Variants in CELF3 observed in about 807,000 individuals in gnomAD.
CELF3 encodes the protein CUGBP Elav-like family member 3.
Under a neutral mutation model 59.6 loss-of-function variants are expected in CELF3, and 26 were observed. That is an observed-to-expected ratio of 0.44 (90% CI 0.32 to 0.61). The LOEUF is 0.61. Ranked by LOEUF, CELF3 falls within the 20% of genes least tolerant of loss-of-function variation. The pLI is 0.06. For synonymous variants in CELF3, 245 were observed against 250.7 expected (o/e 0.98, Z 0.22); for missense variants, 387 against 627.2 (o/e 0.62, Z 4.09).
At chr1:151,706,398 C>T (rs749606849) in intron 9 of CELF3, 37 bp from the exon 10 acceptor site, 2 of 1,516,084 alleles carry the variant, frequency 1.3e-6, no homozygotes, top group South Asian at 1.3e-5. Context: ...ATGGGGCTTC[C>T]CTGACTTCTT....
rs1244104305 is a variant in CELF3 at position 151,701,748 on chromosome 1, CA to C, written c.*1710del. On this transcript the variant is annotated 3_prime_UTR_variant, in exon 13 of 13. Coordinates refer to ENST00000290583, the MANE Select transcript of CELF3 (RefSeq NM_007185.7). ...GGGCAACATAGCAAGACCCTGTCTA[CA>C]AAAAAAAACACCATTTTTAAAAATG... Among the ~76,000 whole-genome samples, 8 of 151,064 alleles carry C rather than the reference CA, an allele frequency of 5.3e-5. No individual in the cohort carries two copies. The highest frequency in any genetic ancestry group is 1.0e-4 in the Non-Finnish European group (7 of 67,616).
chr1:151,702,941 C>T lies in CELF3; in HGVS notation c.*518G>A. ...TTGGGGGAGGCAGTGAGTTTTAGGG[C>T]TGGGAGCCCAGGAATCAGGGATATC... is the stretch of plus-strand genomic sequence containing the variant. On this transcript the variant is annotated 3_prime_UTR_variant, in exon 13 of 13. Coordinates refer to ENST00000290583, the MANE Select transcript of CELF3 (RefSeq NM_007185.7). The T allele has an allele frequency of 3.1e-6, 1 of 319,528 alleles. No homozygotes were observed. The highest frequency in any genetic ancestry group is 7.8e-5 in the East Asian group (1 of 12,740). The allele number at this position is 319,528 out of a possible 1,614,324, so 19.8% of individuals were successfully genotyped here.
chr1:151,716,318 T>C lies in CELF3; in HGVS notation c.-298A>G, dbSNP rs1490090690. 2.6e-6 allele frequency: 1 copy of C among 381,982 alleles called. No individual in the cohort carries two copies. The highest frequency in any genetic ancestry group is 4.8e-6 in the Non-Finnish European group (1 of 209,284). 23.7% of individuals were successfully genotyped at this position (381,982 alleles called of 1,614,324 possible). ...AAATGTCCCAGGATGGGGGTGAGTA[T>C]GGCCAAGACCTGGAGGGTTAGGTGG... is the stretch of plus-strand genomic sequence containing the variant. On this transcript the variant is annotated 5_prime_UTR_variant, in exon 1 of 13. Coordinates refer to ENST00000290583, the MANE Select transcript of CELF3 (RefSeq NM_007185.7).
In CELF3 at chr1:151,709,427, G is replaced by T; in HGVS notation, c.278-79C>A. The T allele has an allele frequency of 6.3e-7, 1 of 1,593,442 alleles. No individual in the cohort carries two copies. Among genetic ancestry groups the T allele is most frequent in the South Asian group, 1.1e-5 (1 of 89,800 alleles). On this transcript the variant is annotated intron_variant, in intron 3 of 12. Transcript: ENST00000290583. This position sits in a 1 kb window ranked among gnomAD's most constrained non-coding sequence, Gnocchi z 4.9. ...CCAGCCCTTCTTCCGCCCTTCCCTG[G>T]AGCTCCTAACACTACTTCTGCTACC...
rs1671979768 is a variant in CELF3, at chr1:151,700,225, G to A, written c.*3234C>T. Among the ~76,000 whole-genome samples the A allele has an allele frequency of 6.6e-6, 1 of 152,166 alleles. No homozygotes were observed. Among genetic ancestry groups the A allele is most frequent in the African/African-American group, 2.4e-5 (1 of 41,424 alleles). The stretch of plus-strand genomic sequence containing the variant: ...TTACGCATGGCCATGATACACAGCA[G>A]TGAAAGGTTTAAGTGCCATAAGGAC... On this transcript the variant is annotated 3_prime_UTR_variant, in exon 13 of 13. Transcript: ENST00000290583.
At chr1:151,708,909 C>T in intron 5 of CELF3, 89 bp downstream of exon 5, 1 of 1,159,160 alleles carries the variant, frequency 8.6e-7, no homozygotes, top group South Asian at 1.3e-5. Context: ...TCAAATAGCC[C>T]ATCCTGAGTG....
chr1:151,706,543 G>C (rs921185399), intron 9 of CELF3, 126 bp downstream of exon 9: 51 of 1,243,506 alleles, frequency 4.1e-5, no homozygotes, highest in Non-Finnish European at 5.8e-5. Context: ...CCCACAGTTG[G>C]GCTTGTCAGT....
intron 2 of CELF3, among the ~76,000 whole-genome samples, chr1:151,712,151 G>T (rs1673079084): frequency 6.6e-6 from 1 of 152,114 alleles, no homozygotes; most frequent in Admixed American, 6.6e-5. Flanking sequence ...GTCCAGCTGT[G>T]CCCTGTTTAC....
intron 2 of CELF3, chr1:151,710,665 A>G (rs1458475397): frequency 2.2e-6 from 1 of 456,192 alleles, no homozygotes; most frequent in Non-Finnish European, 4.4e-6. Context: ...CTAAAGGAGG[A>G]GTTGCTGTCC....
intron 12 of CELF3, among the ~76,000 whole-genome samples, chr1:151,703,978 C>T (rs749750151): frequency 1.3e-5 from 2 of 152,164 alleles, no homozygotes; most frequent in Non-Finnish European, 2.9e-5. Flanking sequence ...GCACAGAACA[C>T]AGACCACAGT....
At position 151,709,756 on chromosome 1, in the gene CELF3, G is replaced by A. The variant is rs1403922230; in HGVS notation, c.264C>T (p.Ser88=). The change falls in exon 3 of 13, where the codon AGC becomes AGT. Residue 88 remains serine (S), a synonymous_variant. Coordinates refer to ENST00000290583, the MANE Select transcript of CELF3 (RefSeq NM_007185.7). The surrounding 1 kb of genome is among the most constrained non-coding windows in gnomAD (Gnocchi z 4.9). ...CACAGAACCTACCTCCTCGGCTCTC[G>A]CTGTCGGCTGGCTTGACCTGGATCG... ...NRPIQVKPAD[S]ESRGEDRKLF... 8 of 1,614,002 alleles carry A rather than the reference G, an allele frequency of 5.0e-6. No homozygotes were observed. Among genetic ancestry groups the A allele is most frequent in the South Asian group, 3.3e-5 (3 of 91,090 alleles).
At chr1:151,710,864 T>G (rs889913108) in intron 2 of CELF3, 1 of 456,036 alleles carries the variant, frequency 2.2e-6, no homozygotes, top group African/African-American at 2.0e-5. Flanking sequence ...TTAACCAGGG[T>G]GGGGAGTATT....
At chr1:151,714,196 C>T (rs1673264516) in intron 2 of CELF3, among the ~76,000 whole-genome samples, 1 of 152,164 alleles carries the variant, frequency 6.6e-6, no homozygotes, top group African/African-American at 2.4e-5. Context: ...CCTCATCTCA[C>T]AGCCACCCAG....
At chr1:151,706,064 C>T in intron 10 of CELF3, 99 bp from the exon 11 acceptor site, 2 of 1,587,578 alleles carry the variant, frequency 1.3e-6, no homozygotes, top group East Asian at 2.2e-5. Flanking sequence ...GAGTGCCCTC[C>T]AGTCCCAGTC....
At chr1:151,715,487 C>T in intron 1 of CELF3, 1 of 625,740 alleles carries the variant, frequency 1.6e-6, no homozygotes, top group Non-Finnish European at 2.6e-6. Context: ...CCAATATTAT[C>T]TGAGGCTGCT....
At chr1:151,712,496 G>A (rs995260674) in intron 2 of CELF3, among the ~76,000 whole-genome samples, 1 of 152,198 alleles carries the variant, frequency 6.6e-6, no homozygotes, top group African/African-American at 2.4e-5. Context: ...CAGACCGACA[G>A]GGAAGGCCCA....
intron 2 of CELF3, among the ~76,000 whole-genome samples, chr1:151,712,350 C>A (rs1335904998): frequency 6.6e-6 from 1 of 152,206 alleles, no homozygotes; most frequent in African/African-American, 2.4e-5. Context: ...CCAAGAAGAC[C>A]TCACAGTTCT....
chr1:151,707,693 A>G, intron 6 of CELF3, 45 bp from the exon 7 acceptor site: 2 of 1,598,612 alleles, frequency 1.3e-6, no homozygotes, highest in Non-Finnish European at 1.7e-6. Context: ...CCTGTGCCCA[A>G]GCCTGGCTCC....
intron 12 of CELF3, among the ~76,000 whole-genome samples, chr1:151,704,151 G>A (rs935445816): frequency 5.3e-5 from 8 of 152,084 alleles, no homozygotes; most frequent in African/African-American, 1.4e-4. Context: ...GCAGGGGTCC[G>A]GGGATGGGGG....
Sources: allele counts gnomAD v4.1 joint callset (sites outside exome capture counted in the v4.1 genomes callset), GRCh38; gene constraint gnomAD v4.1.1; non-coding constraint Gnocchi (gnomAD v3.1); transcripts MANE v1.5; gene names NCBI Gene and HGNC (gene_info 2026-07-23, HGNC 2026-07-21).